Variants in ABLIM1 observed in about 807,000 individuals in gnomAD.
ABLIM1 encodes actin binding LIM protein 1.
ABLIM1 carries 40 observed loss-of-function variants against 107.0 expected under a neutral mutation model. That is an observed-to-expected ratio of 0.37 (90% CI 0.29 to 0.49). ABLIM1 has a LOEUF of 0.49. Ranked by LOEUF, ABLIM1 falls within the 20% of genes least tolerant of loss-of-function variation. ABLIM1 has a pLI of 0.97. For synonymous variants in ABLIM1, 357 were observed against 357.3 expected (o/e 1.00, Z 0.01); for missense variants, 857 against 1,008.5 (o/e 0.85, Z 2.04).
At chr10:114,742,793 G>T (rs746828282) in intron 1 of ABLIM1, among the ~76,000 whole-genome samples, 41 of 152,144 alleles carry the variant, frequency 2.7e-4, no homozygotes, top group Admixed American at 5.9e-4. Context: ...GCTGGCTGTG[G>T]TGGCACACGC....
intron 6 of ABLIM1, among the ~76,000 whole-genome samples, chr10:114,505,127 T>TA (rs1179917719): frequency 1.3e-5 from 2 of 152,138 alleles, no homozygotes; most frequent in Non-Finnish European, 2.9e-5. Flanking sequence ...CAGCGTGTGG[T>TA]AAAAAATATT....
chr10:114,718,026 GGAAGGAGAAA>G lies in ABLIM1; in HGVS notation c.-213+50025_-213+50034del, dbSNP rs1325199298. 1.8e-3 allele frequency among the ~76,000 whole-genome samples: 198 copies of G among 108,580 alleles called. 1 individual carries two copies. The highest frequency in any genetic ancestry group is 2.5e-3 in the Non-Finnish European group (139 of 55,916). 71.2% of individuals were successfully genotyped at this position (108,580 alleles called of 152,430 possible). A position where few individuals can be genotyped will look rare whatever the true frequency, so the allele number is the denominator to read the frequency against. On this transcript the variant is annotated intron_variant, in intron 1 of 15. Transcript: ENST00000651092. ...AGGAAGGAAGGAAGGAAGGAAGGAA[GGAAGGAGAAA>G]GAGAAAGAGAAAGAAAGAAAGAAAG...
chr10:114,597,612 T>G (rs181841897), intron 2 of ABLIM1, among the ~76,000 whole-genome samples: 268 of 150,860 alleles, frequency 1.8e-3, no homozygotes, highest in Non-Finnish European at 2.9e-3. Context: ...GAAAAGAAAA[T>G]AAATGAAAAG....
intron 6 of ABLIM1, among the ~76,000 whole-genome samples, chr10:114,510,326 A>C (rs1807832144): frequency 6.6e-6 from 1 of 150,584 alleles, no homozygotes; most frequent in Admixed American, 6.6e-5. Flanking sequence ...AGCCTTCTCC[A>C]GCTCCCCTGG....
At chr10:114,555,562 G>A (rs1308591012) in intron 4 of ABLIM1, among the ~76,000 whole-genome samples, 7 of 152,132 alleles carry the variant, frequency 4.6e-5, no homozygotes. Flanking sequence ...AGCATGAGGT[G>A]TTCCTTCAAA....
chr10:114,494,236 C>G (rs1248343618), intron 6 of ABLIM1, among the ~76,000 whole-genome samples: 1 of 152,190 alleles, frequency 6.6e-6, no homozygotes, highest in East Asian at 1.9e-4. Context: ...ACAACCTATA[C>G]AAAAATCAAT....
chr10:114,600,933 C>T (rs561299942), intron 2 of ABLIM1, among the ~76,000 whole-genome samples: 113 of 152,226 alleles, frequency 7.4e-4, no homozygotes, highest in Middle Eastern at 3.4e-3. Flanking sequence ...TCTTTGTAAA[C>T]CCCAAAAGGT....
At chr10:114,765,212 A>G (rs1364324639) in intron 1 of ABLIM1, among the ~76,000 whole-genome samples, 7 of 151,914 alleles carry the variant, frequency 4.6e-5, no homozygotes, top group Non-Finnish European at 1.0e-4. Flanking sequence ...ATGCCCAGCT[A>G]ATTTTTGTAT....
chr10:114,684,296 A>G, exon 1 of ABLIM1: 1 of 1,613,834 alleles, frequency 6.2e-7, no homozygotes, highest in African/African-American at 1.3e-5. Flanking sequence ...TAACCTTTGT[A>G]GTCTCCCATG....
chr10:114,650,856 G>C (rs1369706459), intron 1 of ABLIM1, among the ~76,000 whole-genome samples: 1 of 152,172 alleles, frequency 6.6e-6, no homozygotes, highest in Non-Finnish European at 1.5e-5. Context: ...GAGAAGAAGA[G>C]GGGGAAGTAT....
At chr10:114,690,649 C>T (rs1429311862) in intron 1 of ABLIM1, 4 of 649,992 alleles carry the variant, frequency 6.2e-6, no homozygotes, top group Non-Finnish European at 1.1e-5. Context: ...ATGGCTGATA[C>T]TACAGGGCTC....
intron 6 of ABLIM1, among the ~76,000 whole-genome samples, chr10:114,530,443 A>C (rs989609975): frequency 3.9e-5 from 6 of 152,336 alleles, no homozygotes; most frequent in African/African-American, 1.2e-4. Context: ...ACTTAAACAG[A>C]TTATATCCAG....
chr10:114,632,172 G>A, intron 1 of ABLIM1: 1 of 985,412 alleles, frequency 1.0e-6, no homozygotes, highest in Non-Finnish European at 1.2e-6. Flanking sequence ...CCAGCTCGGG[G>A]ACTCTGCCCT....
At chr10:114,476,528 C>A (rs1423778640) in intron 8 of ABLIM1, among the ~76,000 whole-genome samples, 1 of 151,886 alleles carries the variant, frequency 6.6e-6, no homozygotes, top group Non-Finnish European at 1.5e-5. Flanking sequence ...CCTGTAATCC[C>A]AGCTACTTGG....
Position 114,657,946 on chromosome 10 carries a change from A to G in ABLIM1, c.244+11T>C, listed in dbSNP as rs531250646. 1 of 1,601,308 alleles carries G rather than the reference A, an allele frequency of 6.2e-7. No homozygotes were observed. The highest frequency in any genetic ancestry group is 1.1e-5 in the South Asian group (1 of 90,492). ...CACAAAACCATGTCCAGAGAGGGTT[A>G]TTTTACTTACCAAAAGGATCAACGC... On this transcript the variant is annotated intron_variant, in intron 1 of 22. Coordinates refer to ENST00000533213, the MANE Select transcript of ABLIM1 (RefSeq NM_002313.7).
At position 114,629,314 on chromosome 10, in the gene ABLIM1, T is replaced by C. The variant is rs2078018450; in HGVS notation, c.245-27353A>G. Among the ~76,000 whole-genome samples the C allele has an allele frequency of 6.6e-6, 1 of 152,180 alleles. No individual in the cohort carries two copies. The highest frequency in any genetic ancestry group is 6.5e-5 in the Admixed American group (1 of 15,270). On this transcript the variant is annotated intron_variant, in intron 1 of 22. Transcript: ENST00000533213. The surrounding 1 kb of genome is among the most constrained non-coding windows in gnomAD (Gnocchi z 4.0). ...CTTGGGCCGGCCATGTTCCTCGGGA[T>C]GGACATTGCCAGGACCCGAGCCTCC...
chr10:114,648,432 A>G (rs1284712071), intron 1 of ABLIM1, among the ~76,000 whole-genome samples: 1 of 152,204 alleles, frequency 6.6e-6, no homozygotes, highest in Non-Finnish European at 1.5e-5. Flanking sequence ...AGACACAAAA[A>G]TCACAGGTTA....
intron 4 of ABLIM1, among the ~76,000 whole-genome samples, chr10:114,562,604 C>CAAG (rs2069915336): frequency 6.6e-6 from 1 of 152,190 alleles, no homozygotes; most frequent in Non-Finnish European, 1.5e-5. Context: ...ATAACTGCTT[C>CAAG]CCCTGTTAAG....
chr10:114,590,962 T>C (rs1445349293), intron 2 of ABLIM1, among the ~76,000 whole-genome samples: 1 of 152,086 alleles, frequency 6.6e-6, no homozygotes, highest in Admixed American at 6.6e-5. Flanking sequence ...ACCATCAAAA[T>C]CCCTTCTCAG....
Sources: gnomAD v4.1 joint callset for allele counts (sites outside exome capture counted in the v4.1 genomes callset) on GRCh38, gnomAD v4.1.1 for gene constraint, Gnocchi (gnomAD v3.1) non-coding constraint, MANE v1.5 for transcripts, NCBI Gene and HGNC (gene_info 2026-07-23, HGNC 2026-07-21) for gene names.